GFI1B: variants seen among roughly 807,000 people sequenced by gnomAD.
GFI1B encodes growth factor independent 1B transcriptional repressor.
In GFI1B, 20 loss-of-function variants were observed where a neutral mutation model predicts 35.3. That is an observed-to-expected ratio of 0.57 (90% CI 0.40 to 0.82). GFI1B has a LOEUF of 0.82. Ranked by LOEUF, GFI1B falls within the 40% of genes least tolerant of loss-of-function variation. The pLI is 0.00. For missense variants in GFI1B, 430 were observed against 446.3 expected, an observed-to-expected ratio of 0.96 and a Z score of 0.33; for synonymous variants, 178 against 177.6, an observed-to-expected ratio of 1.00 and a Z score of -0.02.
chr9:132,962,699 G>A (rs764597801), intron 1 of GFI1B: 21 of 446,018 alleles, frequency 4.7e-5, no homozygotes, highest in African/African-American at 3.4e-4. Context: ...CACATATTAT[G>A]TTCTATCAAG....
At chr9:132,993,075 C>T (rs1166428614), downstream of GFI1B, among the ~76,000 whole-genome samples, 2 of 152,080 alleles carry the variant, frequency 1.3e-5, no homozygotes, top group African/African-American at 4.8e-5. Flanking sequence ...GGGCAGATCA[C>T]TTGAGGTCAG....
intron 1 of GFI1B, chr9:132,951,827 G>A (rs1371979935): frequency 6.6e-6 from 1 of 152,158 alleles, no homozygotes; most frequent in East Asian, 1.9e-4. Flanking sequence ...GAGTACAGTG[G>A]CCTGATCATA....
At chr9:132,968,535 G>A (rs1328097933) in intron 1 of GFI1B, among the ~76,000 whole-genome samples, 1 of 152,142 alleles carries the variant, frequency 6.6e-6, no homozygotes, top group African/African-American at 2.4e-5. Flanking sequence ...TTGAATATAG[G>A]TAGTAGATAT....
At chr9:132,950,990 A>G (rs2132582329) in intron 1 of GFI1B, among the ~76,000 whole-genome samples, 2 of 152,050 alleles carry the variant, frequency 1.3e-5, no homozygotes, top group South Asian at 4.2e-4. Context: ...GGAGTGTGGT[A>G]TCACACCCAG....
At chr9:132,970,786 C>A (rs1037052277) in intron 1 of GFI1B, among the ~76,000 whole-genome samples, 3 of 152,158 alleles carry the variant, frequency 2.0e-5, no homozygotes, top group Non-Finnish European at 4.4e-5. Flanking sequence ...CCTCCTTCAT[C>A]TCTGCAGCCT....
chr9:132,969,651 C>T (rs1000469670), intron 1 of GFI1B, among the ~76,000 whole-genome samples: 8 of 152,154 alleles, frequency 5.3e-5, no homozygotes, highest in South Asian at 2.1e-4. Context: ...TATACCCGTG[C>T]GTGGGATTGC....
chr9:132,978,592 G>A (rs10121598), upstream of GFI1B: 21 of 152,176 alleles, frequency 1.4e-4, no homozygotes, highest in African/African-American at 3.9e-4. Flanking sequence ...AAGCAAATAC[G>A]GCTGAGCTCC....
At chr9:132,982,702 T>C (rs1047043459) in intron 1 of GFI1B, among the ~76,000 whole-genome samples, 1 of 146,272 alleles carries the variant, frequency 6.8e-6, no homozygotes, top group African/African-American at 2.5e-5. Context: ...GTTTTTTCTT[T>C]AAAAAAAAAA....
intron 1 of GFI1B, among the ~76,000 whole-genome samples, chr9:132,950,729 A>G (rs72759446): frequency 7.6e-6 from 1 of 131,210 alleles, no homozygotes; most frequent in African/African-American, 3.0e-5. Flanking sequence ...TATACACTAT[A>G]CACTTTGGGT....
upstream of GFI1B, among the ~76,000 whole-genome samples, chr9:132,973,903 G>A (rs949639594): frequency 2.6e-5 from 4 of 152,298 alleles, no homozygotes; most frequent in African/African-American, 7.2e-5. Context: ...CCAATGAGAG[G>A]CCCATATCCC....
intron 1 of GFI1B, chr9:132,952,934 T>C (rs1368272222): frequency 4.6e-5 from 7 of 152,238 alleles, no homozygotes; most frequent in Admixed American, 4.6e-4. Flanking sequence ...TCATTTATCC[T>C]TGCACTCCTA....
In GFI1B at chr9:132,988,204, C is replaced by T; in HGVS notation, c.246C>T (p.Pro82=). 6.2e-7 allele frequency: 1 copy of T among 1,614,022 alleles called. No individual in the cohort carries two copies. Among genetic ancestry groups the T allele is most frequent in the Non-Finnish European group, 8.5e-7 (1 of 1,179,876 alleles). The part of the protein sequence containing the change: ...LARMAPAPEG[P]IVLSRPQDGD... ...GTGTCGTTATCTCCACAGAGGGCCCCATTGTGCTGTCCCGACCCCAGGATG... is the reference window on the plus strand; with the variant it reads ...GTGTCGTTATCTCCACAGAGGGCCCTATTGTGCTGTCCCGACCCCAGGATG... Residue 82 remains proline (P), a synonymous_variant, in exon 4 of 7, where the codon CCC becomes CCT. Transcript: ENST00000372122.
Position 132,989,782 on chromosome 9 carries a change from A to G in GFI1B, c.689A>G (p.Lys230Arg). 6.2e-7 allele frequency: 1 copy of G among 1,614,130 alleles called. No individual in the cohort carries two copies. Among genetic ancestry groups the G allele is most frequent in the Middle Eastern group, 1.6e-4 (1 of 6,062 alleles). ...FECRMCGKAF[K>R]RSSTLSTHLL... is the part of the protein sequence containing the mutation. ...TGCCGCATGTGCGGCAAGGCCTTCA[A>G]GCGCTCGTCCACGCTGTCCACCCAC... is the stretch of plus-strand genomic sequence containing the variant. The change falls in exon 6 of 7, where the codon AAG becomes AGG. Residue 230 changes from lysine (K) to arginine (R), a missense_variant. Transcript: ENST00000372122. This position sits in a 1 kb window ranked among gnomAD's most constrained non-coding sequence, Gnocchi z 6.2.
At chr9:132,990,178 TTCAC>T (rs1324461695) in intron 6 of GFI1B, among the ~76,000 whole-genome samples, 3 of 152,226 alleles carry the variant, frequency 2.0e-5, no homozygotes, top group Admixed American at 6.5e-5. Context: ...TGTTCACTCA[TTCAC>T]TCACTCACTT....
At chr9:132,973,773 C>A (rs1047809569), upstream of GFI1B, among the ~76,000 whole-genome samples, 3 of 152,188 alleles carry the variant, frequency 2.0e-5, no homozygotes, top group Non-Finnish European at 4.4e-5. Context: ...GAAGCCATGG[C>A]TCCAAACGCC....
In GFI1B at chr9:132,947,427, A is replaced by T. The variant is rs765913198; in HGVS notation, c.-701+1758A>T. 2.1e-3 allele frequency among the ~76,000 whole-genome samples: 199 copies of T among 94,422 alleles called. 1 individual carries two copies. Among genetic ancestry groups the T allele is most frequent in the African/African-American group, 7.5e-3 (185 of 24,692 alleles). The allele number at this position is 94,422 out of a possible 152,430, so 61.9% of individuals were successfully genotyped here. A position where few individuals can be genotyped will look rare whatever the true frequency, so the allele number is the denominator to read the frequency against. ...TTTAATCGAGCAAAAAAAAAAAAAA[A>T]AAAGAAAGAAAAAGAGAATTCATGA... On this transcript the variant is annotated intron_variant, in intron 1 of 10. Transcript: ENST00000339463.
upstream of GFI1B, among the ~76,000 whole-genome samples, chr9:132,973,898 G>A (rs1848577373): frequency 1.3e-5 from 2 of 152,336 alleles, no homozygotes; most frequent in Admixed American, 6.5e-5. Flanking sequence ...CCCGGCCAAT[G>A]AGAGGCCCAT....
intron 1 of GFI1B, among the ~76,000 whole-genome samples, chr9:132,983,419 A>C (rs544407538): frequency 6.6e-6 from 1 of 151,064 alleles, no homozygotes; most frequent in Non-Finnish European, 1.5e-5. Flanking sequence ...CTGGTCTCGA[A>C]CTCCTGATCT....
At position 132,989,632 on chromosome 9, in the gene GFI1B, T is replaced by G. The variant is rs985225788; in HGVS notation, c.649-110T>G. On this transcript the variant is annotated intron_variant, in intron 5 of 6. Transcript: ENST00000372122. The surrounding 1 kb of genome is among the most constrained non-coding windows in gnomAD (Gnocchi z 6.2). ...GAGGCAGAGATGAGGGGTCCCCCGGTCCTGCTCCTCCAGGCCGCCCCAATG... is the reference window on the plus strand; with the variant it reads ...GAGGCAGAGATGAGGGGTCCCCCGGGCCTGCTCCTCCAGGCCGCCCCAATG... 6 of 806,300 alleles carry G rather than the reference T, an allele frequency of 7.4e-6. No individual in the cohort carries two copies. Among genetic ancestry groups the G allele is most frequent in the Non-Finnish European group, 1.0e-5 (5 of 486,050 alleles). The allele number at this position is 806,300 out of a possible 1,614,324, so 49.9% of individuals were successfully genotyped here.
Sources: allele counts gnomAD v4.1 joint callset (sites outside exome capture counted in the v4.1 genomes callset), GRCh38; gene constraint gnomAD v4.1.1; non-coding constraint Gnocchi (gnomAD v3.1); transcripts MANE v1.5; gene names NCBI Gene and HGNC (gene_info 2026-07-23, HGNC 2026-07-21).